Variants in PCDH10 observed in about 807,000 individuals in gnomAD.
PCDH10 encodes protocadherin-10.
PCDH10 carries 15 observed loss-of-function variants against 74.4 expected under a neutral mutation model. The observed-to-expected ratio is 0.20, with a 90% CI of 0.13 to 0.31. The LOEUF is 0.31. Ranked by LOEUF, PCDH10 falls within the 10% of genes least tolerant of loss-of-function variation. The pLI is 1.00. For synonymous variants in PCDH10, 619 were observed against 589.8 expected (o/e 1.05, Z -0.72); for missense variants, 1,260 against 1,390.2 (o/e 0.91, Z 1.49).
At chr4:133,199,761 A>AATT (rs10682546) in intron 2 of PCDH10, among the ~76,000 whole-genome samples, 16,249 of 146,224 alleles carry the variant, frequency 0.11, 1,060 homozygotes, top group African/African-American at 0.17. Context: ...AGTTGTTTTT[A>AATT]ATTATTATTA....
At chr4:133,161,927 T>G (rs1028824375) in intron 3 of PCDH10, among the ~76,000 whole-genome samples, 1 of 152,114 alleles carries the variant, frequency 6.6e-6, no homozygotes, top group African/African-American at 2.4e-5. Context: ...ATGCTATTTT[T>G]GTTTATGTGT....
At chr4:133,208,059 T>G (rs1316770073) in intron 2 of PCDH10, 1 of 152,224 alleles carries the variant, frequency 6.6e-6, no homozygotes, top group Non-Finnish European at 1.5e-5. Flanking sequence ...TCTCATTATT[T>G]TCTGGATTCC....
intron 2 of PCDH10, among the ~76,000 whole-genome samples, chr4:133,201,194 T>A (rs1244672613): frequency 6.6e-6 from 1 of 152,196 alleles, no homozygotes; most frequent in African/African-American, 2.4e-5. Context: ...TCATTTCACC[T>A]AATAATTCCA....
intron 2 of PCDH10, among the ~76,000 whole-genome samples, chr4:133,207,788 A>T (rs1332390817): frequency 1.3e-5 from 2 of 152,170 alleles, no homozygotes; most frequent in African/African-American, 4.8e-5. Flanking sequence ...GCATTTTGAA[A>T]TGTCTTTTGT....
At chr4:133,199,073 GGA>G (rs1381605495), downstream of PCDH10, among the ~76,000 whole-genome samples, 1 of 151,914 alleles carries the variant, frequency 6.6e-6, no homozygotes, top group Admixed American at 6.6e-5. Flanking sequence ...CTTGAGCTCA[GGA>G]GTTGGAGACC....
chr4:133,187,820 C>A, intron 4 of PCDH10, among the ~76,000 whole-genome samples: 1 of 152,014 alleles, frequency 6.6e-6, no homozygotes, highest in Non-Finnish European at 1.5e-5. Context: ...TAAAAAGAAA[C>A]AATTTCTGTT....
Position 133,152,096 on chromosome 4 carries a change from G to C in PCDH10, c.1956G>C (p.Arg652=). The change falls in exon 1 of 5, where the codon CGG becomes CGC. Residue 652 remains arginine (R), a synonymous_variant. Coordinates refer to ENST00000264360, the MANE Select transcript of PCDH10 (RefSeq NM_032961.3). ...RRVPAKRDPQ[R]PYELVIEVRD... is the part of the protein sequence containing the mutation. ...TCCCGGCCAAGCGCGACCCCCAGCGGCCTTATGAGCTGGTGATCGAGGTGC... is the reference window on the plus strand; with the variant it reads ...TCCCGGCCAAGCGCGACCCCCAGCGCCCTTATGAGCTGGTGATCGAGGTGC... The C allele has an allele frequency of 6.3e-7, 1 of 1,586,652 alleles. No individual in the cohort carries two copies. Among genetic ancestry groups the C allele is most frequent in the Non-Finnish European group, 8.6e-7 (1 of 1,166,934 alleles).
chr4:133,177,216 T>C (rs1276394727), intron 4 of PCDH10, among the ~76,000 whole-genome samples: 3 of 152,140 alleles, frequency 2.0e-5, no homozygotes, highest in African/African-American at 7.2e-5. Context: ...TCTATATCTG[T>C]TACAGATCAA....
In PCDH10 at chr4:133,150,493, A is replaced by AC. The variant is rs759095467; in HGVS notation, c.360dup (p.Ser121LeufsTer13). The AC allele has an allele frequency of 4.4e-6, 7 of 1,605,956 alleles. No individual in the cohort carries two copies. Among genetic ancestry groups the AC allele is most frequent in the East Asian group, 2.2e-5 (1 of 44,554 alleles). On this transcript the variant is annotated frameshift_variant, in exon 1 of 5. Coordinates refer to ENST00000264360, the MANE Select transcript of PCDH10 (RefSeq NM_032961.3). LOFTEE classifies it high-confidence loss of function. Reference sequence around the variant, plus strand: ...ATCGAGGTGCTGGACATTAATGACAACCCCCCCTCTTTCCCGGAGCCAGAC... The same window carrying AC: ...ATCGAGGTGCTGGACATTAATGACAACCCCCCCCTCTTTCCCGGAGCCAGAC...
chr4:133,205,308 A>T (rs1727979744), intron 2 of PCDH10, among the ~76,000 whole-genome samples: 1 of 152,068 alleles, frequency 6.6e-6, no homozygotes, highest in Admixed American at 6.6e-5. Flanking sequence ...GTCAGGCTTG[A>T]CTCATGTCAA....
chr4:133,154,952 A>G lies in PCDH10; in HGVS notation c.2726A>G (p.Lys909Arg). The G allele has an allele frequency of 6.2e-7, 1 of 1,613,682 alleles. No individual in the cohort carries two copies. Among genetic ancestry groups the G allele is most frequent in the South Asian group, 1.1e-5 (1 of 91,068 alleles). Residue 909 changes from lysine to arginine, a missense_variant, in exon 3 of 5, where the codon AAG (lysine) becomes AGG (arginine). Lys to Arg is a conservative substitution (Grantham distance 26). Coordinates refer to ENST00000264360, the MANE Select transcript of PCDH10 (RefSeq NM_032961.3). ...CAGGAAGCCGACATAGTAAGCTCTAAGGACAGTGGTCATGGAGACAGTGAA... is the reference window on the plus strand; with the variant it reads ...CAGGAAGCCGACATAGTAAGCTCTAGGGACAGTGGTCATGGAGACAGTGAA... ...AFQEADIVSS[K>R]DSGHGDSEQG...
chr4:133,163,352 T>C, intron 4 of PCDH10, 70 bp downstream of exon 4: 1 of 1,384,530 alleles, frequency 7.2e-7, no homozygotes, highest in Admixed American at 2.3e-5. Flanking sequence ...TTCCACTCTT[T>C]TTGGTAAAAA....
At chr4:133,182,763 C>T (rs1160045098) in intron 4 of PCDH10, among the ~76,000 whole-genome samples, 1 of 151,998 alleles carries the variant, frequency 6.6e-6, no homozygotes, top group African/African-American at 2.4e-5. Context: ...TTCTGTTTGT[C>T]AAATAGAGCC....
intron 4 of PCDH10, among the ~76,000 whole-genome samples, chr4:133,167,956 T>C (rs1381254248): frequency 6.6e-6 from 1 of 151,388 alleles, no homozygotes; most frequent in Non-Finnish European, 1.5e-5. Flanking sequence ...TCATTTTCTC[T>C]ATCTGAATTT....
chr4:133,200,481 A>G (rs1234068047), intron 2 of PCDH10, among the ~76,000 whole-genome samples: 3 of 152,296 alleles, frequency 2.0e-5, no homozygotes, highest in East Asian at 1.9e-4. Flanking sequence ...AATCTTTCCT[A>G]TGCATCTGAG....
chr4:133,169,661 T>A (rs889499010), intron 4 of PCDH10, among the ~76,000 whole-genome samples: 1 of 151,988 alleles, frequency 6.6e-6, no homozygotes, highest in East Asian at 1.9e-4. Context: ...AAAAGAAATA[T>A]CTACTTGGGA....
chr4:133,197,574 T>G (rs923195497), downstream of PCDH10, among the ~76,000 whole-genome samples: 1 of 152,188 alleles, frequency 6.6e-6, no homozygotes, highest in African/African-American at 2.4e-5. Flanking sequence ...AGTATTCATA[T>G]TGTGAAGGGA....
intron 4 of PCDH10, among the ~76,000 whole-genome samples, chr4:133,180,222 T>C (rs929429234): frequency 6.6e-6 from 1 of 152,052 alleles, no homozygotes; most frequent in Non-Finnish European, 1.5e-5. Context: ...GGAAAACGTA[T>C]ACGTAAACAC....
chr4:133,172,665 C>T (rs1727225077), intron 4 of PCDH10, among the ~76,000 whole-genome samples: 1 of 151,924 alleles, frequency 6.6e-6, no homozygotes, highest in Admixed American at 6.6e-5. Flanking sequence ...ATTAGTTTTT[C>T]TGGGGTTTCA....
Sources: allele counts gnomAD v4.1 joint callset (sites outside exome capture counted in the v4.1 genomes callset), GRCh38; gene constraint gnomAD v4.1.1; transcripts MANE v1.5; gene names NCBI Gene and HGNC (gene_info 2026-07-23, HGNC 2026-07-21).